SEC24C: variants seen among roughly 807,000 people sequenced by gnomAD.
The protein encoded by SEC24C is protein transport protein Sec24C.
SEC24C carries 22 observed loss-of-function variants against 117.0 expected under a neutral mutation model. The observed-to-expected ratio is 0.19, with a 90% confidence interval of 0.13 to 0.27. The LOEUF (loss-of-function observed/expected upper bound fraction) is 0.27, where lower values mean the gene tolerates loss of function less well. Among genes scored for constraint, SEC24C ranks in the 10% least tolerant of loss-of-function variants. SEC24C has a pLI of 1.00. For missense variants in SEC24C, 1,155 were observed against 1,375.1 expected, an observed-to-expected ratio of 0.84 and a Z score of 2.53; for synonymous variants, 506 against 529.4, an observed-to-expected ratio of 0.96 and a Z score of 0.61.
intron 3 of SEC24C, among the ~76,000 whole-genome samples, chr10:73,754,731 G>A (rs981025902): frequency 6.6e-6 from 1 of 152,158 alleles, no homozygotes; most frequent in Non-Finnish European, 1.5e-5. Flanking sequence ...TTAAAGCCGT[G>A]GGACTAGATG....
intron 20 of SEC24C, 86 bp downstream of exon 20, chr10:73,770,101 C>A: frequency 7.5e-7 from 1 of 1,332,346 alleles, no homozygotes. Context: ...ATCAGTCAGA[C>A]ACTAGTGGAA....
chr10:73,765,346 A>G (rs1026389804), intron 8 of SEC24C, 105 bp from the exon 9 acceptor site: 1 of 1,275,462 alleles, frequency 7.8e-7, no homozygotes, highest in Non-Finnish European at 1.1e-6. Flanking sequence ...TGCAGACAGA[A>G]TATCTGCGCC....
chr10:73,764,026 G>A (rs1328441484), intron 8 of SEC24C, 43 bp downstream of exon 8: 3 of 1,545,730 alleles, frequency 1.9e-6, no homozygotes, highest in South Asian at 2.4e-5. Flanking sequence ...AGGGAGGGAG[G>A]TAGAGAGGGG....
intron 3 of SEC24C, 23 bp from the exon 4 acceptor site, chr10:73,759,599 C>CTCTG (rs1207076587): frequency 6.7e-7 from 1 of 1,491,832 alleles, no homozygotes; most frequent in African/African-American, 1.4e-5. Flanking sequence ...CACTAGTCAC[C>CTCTG]TCTGCTTGCT....
At chr10:73,748,721 C>T (rs1281707976) in intron 2 of SEC24C, among the ~76,000 whole-genome samples, 1 of 150,094 alleles carries the variant, frequency 6.7e-6, no homozygotes, top group Non-Finnish European at 1.5e-5. Context: ...CAGGTGTGAG[C>T]CACCGTACCT....
Position 73,766,105 on chromosome 10 carries a change from C to T in SEC24C, c.1502C>T (p.Pro501Leu), listed in dbSNP as rs752128575. 21 of 1,613,404 alleles carry T rather than the reference C, an allele frequency of 1.3e-5. No individual in the cohort carries two copies. The East Asian group carries it at 4.7e-4, about 36-fold the overall frequency. The change falls in exon 11 of 23, where the codon CCT becomes CTT. Residue 501 changes from proline (P) to leucine (L), a missense_variant. By Grantham distance (98) the Pro-to-Leu change is moderately conservative (BLOSUM62 -3). Coordinates refer to ENST00000345254, the MANE Select transcript of SEC24C (RefSeq NM_198597.3). ...CTGCAGAACAATAAGTTCCCCAGCC[C>T]TCCTGCCTTTATCTTCATGATTGAC... ...DYCKNNKFPS[P>L]PAFIFMIDVS...
intron 21 of SEC24C, 69 bp from the exon 22 acceptor site, chr10:73,770,640 T>C (rs1565051436): frequency 2.6e-6 from 4 of 1,552,116 alleles, no homozygotes; most frequent in Middle Eastern, 1.7e-4. Context: ...GATGCATACA[T>C]GTATGCTGCC....
rs375292598 is a variant in SEC24C, at chr10:73,769,052, C to T, written c.2324C>T (p.Thr775Met). 9.9e-6 allele frequency: 16 copies of T among 1,614,116 alleles called. No individual in the cohort carries two copies. Among genetic ancestry groups the T allele is most frequent in the African/African-American group, 1.3e-5 (1 of 74,936 alleles). ...TTTGGAGCTTTCTACATGAGCAACA[C>T]GACAGATGTGGAGCTGGCTGGGCTA... ...DFFGAFYMSNTTDVELAGLDG... is the reference protein window; with the variant it reads ...DFFGAFYMSNMTDVELAGLDG... The change falls in exon 17 of 23, where the codon ACG becomes ATG. Residue 775 changes from threonine (T) to methionine (M), a missense_variant. Around this residue, in one of 2 missense-constraint regions of SEC24C, gnomAD observed 759 missense variants for 992.3 expected, o/e 0.76. Transcript: ENST00000345254. This position sits in a 1 kb window ranked among gnomAD's most constrained non-coding sequence, Gnocchi z 4.5.
intron 1 of SEC24C, among the ~76,000 whole-genome samples, chr10:73,745,069 T>G (rs1329673823): frequency 6.6e-6 from 1 of 152,122 alleles, no homozygotes; most frequent in Non-Finnish European, 1.5e-5. Flanking sequence ...TAGACCAGGA[T>G]CAGCTCCTTT....
rs769145033 is a variant in SEC24C, at chr10:73,760,394, T to G, written c.850+8T>G. On this transcript the variant is annotated splice_region_variant and intron_variant, in intron 5 of 22. Transcript: ENST00000345254. ...ATCAGCCCCAACAAAATGGTGAGTC[T>G]TTCCCAAGGTCTGTCTTAGAAGCTA... 3.8e-6 allele frequency: 6 copies of G among 1,577,230 alleles called. No homozygotes were observed. The highest frequency in any genetic ancestry group is 5.2e-6 in the Non-Finnish European group (6 of 1,163,280).
At chr10:73,746,541 T>A (rs777810305) in intron 1 of SEC24C, 3 of 256,024 alleles carry the variant, frequency 1.2e-5, no homozygotes, top group African/African-American at 2.2e-5. Flanking sequence ...TGCTGCTCCA[T>A]TTCAGTGGAT....
Position 73,765,874 on chromosome 10 carries a change from C to T in SEC24C, c.1441C>T (p.Leu481=). 1 of 1,614,180 alleles carries T rather than the reference C, an allele frequency of 6.2e-7. No homozygotes were observed. ...VDAYDRPELS[L]GSYEFLATVD... Reference sequence around the variant, plus strand: ...TGCTTATGACCGCCCTGAGCTATCCCTGGGCTCTTATGAATTCTTGGCCAC... The same window carrying T: ...TGCTTATGACCGCCCTGAGCTATCCTTGGGCTCTTATGAATTCTTGGCCAC... The change falls in exon 10 of 23, where the codon CTG becomes TTG. Residue 481 remains leucine (L), a synonymous_variant. Transcript: ENST00000345254.
rs148433902 is a variant in SEC24C, at chr10:73,764,558, T to C, written c.1227+575T>C. 1.2e-3 allele frequency among the ~76,000 whole-genome samples: 184 copies of C among 150,222 alleles called. 6 individuals carry two copies. In the East Asian group the frequency reaches 0.025, roughly 20 times the overall value. On this transcript the variant is annotated intron_variant, in intron 8 of 22. Transcript: ENST00000345254. ...AAAAAAAACAAGAGGTAGGGCCAAA[T>C]TGTAGGGGAGAAGACAGCTGAATGT...
In SEC24C at chr10:73,769,380, C is replaced by T. The variant is rs933282219; in HGVS notation, c.2458C>T (p.Arg820Cys). Residue 820 changes from arginine to cysteine, a missense_variant, in exon 18 of 23, where the codon CGT (arginine) becomes TGT (cysteine). Physicochemically the swap from Arg to Cys is radical, Grantham distance 180. Transcript: ENST00000345254. The surrounding 1 kb of genome is among the most constrained non-coding windows in gnomAD (Gnocchi z 4.5). ...GCTTTACACCAGCTGTGCAGGGCAGCGTCGGCTCCGCATCCATAATCTGGC... is the reference window on the plus strand; with the variant it reads ...GCTTTACACCAGCTGTGCAGGGCAGTGTCGGCTCCGCATCCATAATCTGGC... ...ALLYTSCAGQRRLRIHNLALN... is the reference protein window; with the variant it reads ...ALLYTSCAGQCRLRIHNLALN... 2.5e-6 allele frequency: 4 copies of T among 1,613,984 alleles called. No individual in the cohort carries two copies. The highest frequency in any genetic ancestry group is 2.2e-5 in the South Asian group (2 of 91,022).
chr10:73,766,739 T>C (rs2082889908), intron 12 of SEC24C, 21 bp from the exon 13 acceptor site: 1 of 1,610,480 alleles, frequency 6.2e-7, no homozygotes, highest in Non-Finnish European at 8.5e-7. Context: ...TTTGGTTGTT[T>C]TCCGTCACCT....
chr10:73,765,800 T>G lies in SEC24C; in HGVS notation c.1367T>G (p.Val456Gly). Reference protein sequence around the residue: ...QCCFCSCINDVPPQYFQHLDH... With the variant: ...QCCFCSCINDGPPQYFQHLDH... ...TAACACACTGCCATGCTTCCCACAG[T>G]TCCCCCCCAGTATTTTCAGCACCTG... The change falls in exon 10 of 23, where the codon GTT (valine) becomes GGT (glycine). Residue 456 changes from valine to glycine, a missense_variant and splice_region_variant. Val to Gly is a moderately radical substitution (Grantham distance 109, BLOSUM62 -3). This residue lies in a region of SEC24C where 759 missense variants were observed against 992.3 expected (regional missense o/e 0.76). Transcript: ENST00000345254. 1 of 1,613,010 alleles carries G rather than the reference T, an allele frequency of 6.2e-7. No homozygotes were observed. Among genetic ancestry groups the G allele is most frequent in the East Asian group, 2.2e-5 (1 of 44,874 alleles).
At chr10:73,750,277 A>G (rs1034574722) in intron 2 of SEC24C, among the ~76,000 whole-genome samples, 2 of 152,230 alleles carry the variant, frequency 1.3e-5, no homozygotes, top group African/African-American at 4.8e-5. Flanking sequence ...TATAATGTCT[A>G]ATCTCTACTG....
In SEC24C at chr10:73,763,990, C is replaced by T. The variant is rs747261327; in HGVS notation, c.1227+7C>T. The T allele has an allele frequency of 1.3e-6, 2 of 1,573,670 alleles. No individual in the cohort carries two copies. Among genetic ancestry groups the T allele is most frequent in the East Asian group, 2.3e-5 (1 of 43,188 alleles). On this transcript the variant is annotated splice_region_variant and intron_variant, in intron 8 of 22. Coordinates refer to ENST00000345254, the MANE Select transcript of SEC24C (RefSeq NM_198597.3). ...AAGGCTGCCCCCAGAGGAGGTGAGT[C>T]AGGGAAGGGGCTAGAGTGTAATGAA... is the stretch of plus-strand genomic sequence containing the variant.
rs754377301 is a variant in SEC24C at position 73,770,322 on chromosome 10, C to A, written c.2905C>A (p.Arg969=). 6.2e-7 allele frequency: 1 copy of A among 1,613,446 alleles called. No individual in the cohort carries two copies. The highest frequency in any genetic ancestry group is 1.7e-5 in the Admixed American group (1 of 59,888). ...VESTTEPPAV[R]ASEERLSNGD... ...GAGTACTACCGAACCACCAGCAGTT[C>A]GAGCCTCTGAAGAGCGTCTAAGCAA... Residue 969 remains arginine, a synonymous_variant, in exon 21 of 23, where the codon CGA becomes AGA. Transcript: ENST00000345254.
Sources: gnomAD v4.1 joint callset for allele counts (sites outside exome capture counted in the v4.1 genomes callset) on GRCh38, gnomAD v4.1.1 for gene constraint, gnomAD v4.1.1 regional missense constraint, Gnocchi (gnomAD v3.1) non-coding constraint, MANE v1.5 for transcripts, NCBI Gene and HGNC (gene_info 2026-07-23, HGNC 2026-07-21) for gene names.